EPC2: variants seen among roughly 807,000 people sequenced by gnomAD.
EPC2 encodes the protein enhancer of polycomb 2.
Under a neutral mutation model 92.1 loss-of-function variants are expected in EPC2, and 14 were observed. The observed-to-expected ratio is 0.15, with a 90% CI of 0.10 to 0.24. The LOEUF (loss-of-function observed/expected upper bound fraction) is 0.24. EPC2 is among the 10% of genes least tolerant of loss of function. The pLI, the probability that EPC2 is intolerant of heterozygous loss-of-function variation, is 1.00. For synonymous variants in EPC2, 340 were observed against 334.7 expected (o/e 1.02, Z -0.17); for missense variants, 755 against 971.5 (o/e 0.78, Z 2.96).
chr2:148,694,530 T>C (rs896750365), intron 2 of EPC2, among the ~76,000 whole-genome samples: 2 of 152,244 alleles, frequency 1.3e-5, no homozygotes, highest in African/African-American at 4.8e-5. Flanking sequence ...TTCATTAAGT[T>C]ACATTTACTT....
chr2:148,657,033 G>A (rs1370637566), intron 1 of EPC2, among the ~76,000 whole-genome samples: 3 of 151,854 alleles, frequency 2.0e-5, no homozygotes, highest in African/African-American at 7.3e-5. Context: ...CGCTCATATA[G>A]GGAAGTGTAT....
chr2:148,676,390 T>G (rs929324334), intron 1 of EPC2, among the ~76,000 whole-genome samples: 2 of 152,004 alleles, frequency 1.3e-5, no homozygotes, highest in African/African-American at 4.8e-5. Context: ...TTGTGTATCT[T>G]GGTGAAGAGA....
intron 2 of EPC2, among the ~76,000 whole-genome samples, chr2:148,704,355 G>A (rs1027183092): frequency 6.6e-6 from 1 of 152,124 alleles, no homozygotes; most frequent in African/African-American, 2.4e-5. Context: ...CTAGGGACTG[G>A]GGAGAGGGAG....
At chr2:148,753,885 T>C in intron 3 of EPC2, 42 bp from the exon 4 acceptor site, 3 of 1,537,770 alleles carry the variant, frequency 2.0e-6, no homozygotes, top group Non-Finnish European at 2.6e-6. Context: ...TATTTCTTTT[T>C]GCAAACATTG....
At chr2:148,773,900 A>G (rs1490937867) in intron 10 of EPC2, among the ~76,000 whole-genome samples, 1 of 152,182 alleles carries the variant, frequency 6.6e-6, no homozygotes, top group Non-Finnish European at 1.5e-5. Flanking sequence ...ATGGATATAT[A>G]CAAAAGAATG....
chr2:148,651,117 A>T (rs931043149), intron 1 of EPC2, among the ~76,000 whole-genome samples: 4 of 152,210 alleles, frequency 2.6e-5, no homozygotes, highest in Admixed American at 6.5e-5. Flanking sequence ...GTCATAAAGA[A>T]GGCTTCTTGG....
At chr2:148,654,931 T>C (rs180952162) in intron 1 of EPC2, among the ~76,000 whole-genome samples, 2 of 152,308 alleles carry the variant, frequency 1.3e-5, no homozygotes, top group East Asian at 1.9e-4. Flanking sequence ...ATGGGAAAGA[T>C]AAGTTTTAGT....
At chr2:148,751,954 T>A (rs1287520727) in intron 3 of EPC2, among the ~76,000 whole-genome samples, 2 of 152,134 alleles carry the variant, frequency 1.3e-5, no homozygotes, top group African/African-American at 2.4e-5. Flanking sequence ...CTGTAAAGTG[T>A]GTGTTGAATT....
At chr2:148,744,523 A>G (rs1682942705) in intron 3 of EPC2, among the ~76,000 whole-genome samples, 1 of 152,102 alleles carries the variant, frequency 6.6e-6, no homozygotes, top group African/African-American at 2.4e-5. Flanking sequence ...CAGGATACAG[A>G]ACTCTTTATG....
chr2:148,764,773 A>G (rs376152247), intron 6 of EPC2, among the ~76,000 whole-genome samples, 182 bp from the exon 7 acceptor site: 2 of 152,366 alleles, frequency 1.3e-5, no homozygotes, highest in African/African-American at 2.4e-5. Context: ...ATTTTTCATC[A>G]TAAGTTGCAG....
chr2:148,646,696 C>T (rs1683810296), intron 1 of EPC2, among the ~76,000 whole-genome samples: 1 of 151,636 alleles, frequency 6.6e-6, no homozygotes, highest in Admixed American at 6.6e-5. Context: ...TACATTGAAC[C>T]CTAATAAGCA....
chr2:148,691,300 G>T lies in EPC2; in HGVS notation c.313+927G>T, dbSNP rs150482809. Among the ~76,000 whole-genome samples the T allele has an allele frequency of 5.1e-4, 77 of 152,300 alleles. No homozygotes were observed. In the East Asian group the frequency reaches 0.015, roughly 29 times the overall value. ...CTAGTGTCTTGTTATCTTGTCAGGT[G>T]TGTAAAAAAGAAATGTTGGATAGCT... On this transcript the variant is annotated intron_variant, in intron 2 of 13. Transcript: ENST00000258484.
chr2:148,752,248 C>G (rs1355833230), intron 3 of EPC2, among the ~76,000 whole-genome samples: 1 of 151,930 alleles, frequency 6.6e-6, no homozygotes. Flanking sequence ...GTGAAATGAT[C>G]AAGAAGCTGA....
intron 2 of EPC2, among the ~76,000 whole-genome samples, chr2:148,717,999 C>T (rs1682292617): frequency 6.6e-6 from 1 of 152,072 alleles, no homozygotes; most frequent in Non-Finnish European, 1.5e-5. Context: ...TATGTCATGC[C>T]CTTCGTTGTC....
intron 2 of EPC2, among the ~76,000 whole-genome samples, chr2:148,693,001 G>A (rs1681673347): frequency 1.3e-5 from 2 of 151,846 alleles, no homozygotes; most frequent in African/African-American, 4.8e-5. Flanking sequence ...CATATTTTAA[G>A]TTTCTCAGAT....
chr2:148,668,285 A>G (rs1266658093), intron 1 of EPC2, among the ~76,000 whole-genome samples: 2 of 152,218 alleles, frequency 1.3e-5, no homozygotes, highest in Non-Finnish European at 2.9e-5. Flanking sequence ...CCTACCTGGA[A>G]TAACCCCATT....
At chr2:148,697,910 T>C (rs1012322423) in intron 2 of EPC2, among the ~76,000 whole-genome samples, 1 of 152,026 alleles carries the variant, frequency 6.6e-6, no homozygotes, top group Admixed American at 6.6e-5. Flanking sequence ...TGGGAAAGGG[T>C]GTGTGGCAGT....
At chr2:148,677,032 T>G (rs1182491262) in intron 1 of EPC2, among the ~76,000 whole-genome samples, 1 of 152,160 alleles carries the variant, frequency 6.6e-6, no homozygotes, top group Non-Finnish European at 1.5e-5. Flanking sequence ...AACAAGGAAT[T>G]GATATTACCT....
chr2:148,746,660 A>T (rs1196498115), intron 3 of EPC2, among the ~76,000 whole-genome samples: 2 of 152,158 alleles, frequency 1.3e-5, no homozygotes, highest in Admixed American at 6.6e-5. Context: ...TATAGAGAGT[A>T]GATTACATAA....
Sources: allele counts gnomAD v4.1 joint callset (sites outside exome capture counted in the v4.1 genomes callset), GRCh38; gene constraint gnomAD v4.1.1; transcripts MANE v1.5; gene names NCBI Gene and HGNC (gene_info 2026-07-23, HGNC 2026-07-21).